Variants in PAPOLG observed in about 807,000 individuals in gnomAD.
The protein encoded by PAPOLG is PAP-gamma.
PAPOLG carries 40 observed loss-of-function variants against 99.0 expected under a neutral mutation model. That is an observed-to-expected ratio of 0.40 (90% CI 0.31 to 0.53). PAPOLG has a LOEUF of 0.53. PAPOLG is among the 20% of genes least tolerant of loss of function. PAPOLG has a pLI of 0.41. For synonymous variants in PAPOLG, 310 were observed against 299.3 expected, an observed-to-expected ratio of 1.04 and a Z score of -0.37; for missense variants, 675 against 884.1, an observed-to-expected ratio of 0.76 and a Z score of 3.00.
At chr2:60,781,577 C>G (rs1173761945) in intron 10 of PAPOLG, among the ~76,000 whole-genome samples, 19 of 152,034 alleles carry the variant, frequency 1.2e-4, no homozygotes, top group Admixed American at 1.2e-3. Context: ...ACCATTAAAC[C>G]AGATAATGCT....
chr2:60,764,228 T>C (rs933505256), intron 3 of PAPOLG, among the ~76,000 whole-genome samples: 4 of 152,192 alleles, frequency 2.6e-5, no homozygotes, highest in African/African-American at 9.6e-5. Flanking sequence ...AGGTAGCCCA[T>C]ACTGTTATAT....
chr2:60,778,881 G>GT (rs561085606), intron 8 of PAPOLG, among the ~76,000 whole-genome samples: 1 of 152,032 alleles, frequency 6.6e-6, no homozygotes, highest in Non-Finnish European at 1.5e-5. Context: ...TATTTTGTAG[G>GT]TTTTTTTCTT....
intron 11 of PAPOLG, among the ~76,000 whole-genome samples, chr2:60,782,310 T>TA (rs1671213141): frequency 6.6e-6 from 1 of 152,180 alleles, no homozygotes; most frequent in South Asian, 2.1e-4. Flanking sequence ...CTCATGCCTA[T>TA]AATCCTAGCA....
At chr2:60,789,305 T>C (rs994217001) in intron 15 of PAPOLG, among the ~76,000 whole-genome samples, 9 of 151,650 alleles carry the variant, frequency 5.9e-5, no homozygotes, top group Non-Finnish European at 1.0e-4. Flanking sequence ...TGTGCACATG[T>C]ACCCTAAAAC....
rs567811951 is a variant in PAPOLG at position 60,786,227 on chromosome 2, A to T, written c.1167-720A>T. On this transcript the variant is annotated intron_variant, in intron 13 of 21. Coordinates refer to ENST00000238714, the MANE Select transcript of PAPOLG (RefSeq NM_022894.4). ...CCTAATATATTGGGCTGAAATTTTT[A>T]TTTTATTTATTTATTTATTTAGAGA... 2.6e-5 allele frequency among the ~76,000 whole-genome samples: 4 copies of T among 152,060 alleles called. No homozygotes were observed. In the East Asian group the frequency reaches 5.8e-4, roughly 22 times the overall value.
chr2:60,781,751 G>A, intron 10 of PAPOLG, 134 bp from the exon 11 acceptor site: 2 of 1,210,008 alleles, frequency 1.7e-6, no homozygotes, highest in Non-Finnish European at 1.1e-6. Flanking sequence ...AGTTGGGGAG[G>A]GAAAATGTAC....
intron 8 of PAPOLG, among the ~76,000 whole-genome samples, chr2:60,775,665 T>C (rs918880428): frequency 5.3e-5 from 8 of 152,226 alleles, no homozygotes; most frequent in African/African-American, 1.7e-4. Context: ...CTCTGAGATA[T>C]TGTAGGTTTG....
intron 8 of PAPOLG, among the ~76,000 whole-genome samples, chr2:60,778,219 T>C (rs959258907): frequency 6.6e-6 from 1 of 152,318 alleles, no homozygotes; most frequent in East Asian, 1.9e-4. Context: ...CAATTATAGC[T>C]CACTGCAGCC....
intron 3 of PAPOLG, among the ~76,000 whole-genome samples, chr2:60,763,410 T>C (rs1670579846): frequency 6.6e-6 from 1 of 152,078 alleles, no homozygotes; most frequent in African/African-American, 2.4e-5. Flanking sequence ...TTATGGCTTT[T>C]TCCCCCCAGT....
At position 60,780,888 on chromosome 2, in the gene PAPOLG, A is replaced by G. The variant is rs1335806312; in HGVS notation, c.906+109A>G. On this transcript the variant is annotated intron_variant, in intron 10 of 21. Coordinates refer to ENST00000238714, the MANE Select transcript of PAPOLG (RefSeq NM_022894.4). Reference sequence around the variant, plus strand: ...CTCTTGTCTCTGTTCTTCCTTCTATATAACTATAGTCCCCTTCCTCCTTCT... The same window carrying G: ...CTCTTGTCTCTGTTCTTCCTTCTATGTAACTATAGTCCCCTTCCTCCTTCT... 2.2e-5 allele frequency: 20 copies of G among 903,880 alleles called. No homozygotes were observed. The East Asian group carries it at 2.2e-4, about 10-fold the overall frequency. 56.0% of individuals were successfully genotyped at this position (903,880 alleles called of 1,614,324 possible).
At chr2:60,779,811 A>G (rs1217362673) in intron 9 of PAPOLG, 36 bp downstream of exon 9, 28 of 1,548,804 alleles carry the variant, frequency 1.8e-5, no homozygotes, top group Non-Finnish European at 2.5e-5. Context: ...CTGTTTACTA[A>G]TCTCTACCTA....
intron 15 of PAPOLG, 68 bp from the exon 16 acceptor site, chr2:60,791,693 C>T (rs1265154396): frequency 2.0e-6 from 3 of 1,533,564 alleles, no homozygotes; most frequent in Non-Finnish European, 2.6e-6. Flanking sequence ...ATATGCATTT[C>T]AGAAAAATTA....
Position 60,756,496 on chromosome 2 carries a change from G to C in PAPOLG, c.17+1G>C. 1 of 1,437,730 alleles carries C rather than the reference G, an allele frequency of 7.0e-7. No individual in the cohort carries two copies. Among genetic ancestry groups the C allele is most frequent in the Non-Finnish European group, 9.5e-7 (1 of 1,057,130 alleles). The allele number at this position is 1,437,730 out of a possible 1,614,324, so 89.1% of individuals were successfully genotyped here. A position where few individuals can be genotyped will look rare whatever the true frequency, so the allele number is the denominator to read the frequency against. ...AGGAAGCGATGAAAGAGATGTCTGC[G>C]TAAGTGGTGGGGGGCGGCGGTTGGG... On this transcript the variant is annotated splice_donor_variant, in intron 1 of 21. Transcript: ENST00000238714. LOFTEE classifies it high-confidence loss of function.
intron 3 of PAPOLG, among the ~76,000 whole-genome samples, chr2:60,763,501 A>G (rs758788281): frequency 6.6e-6 from 1 of 151,338 alleles, no homozygotes; most frequent in Non-Finnish European, 1.5e-5. Context: ...TTTGAATATA[A>G]TTGTTTTTGT....
At position 60,781,953 on chromosome 2, in the gene PAPOLG, G is replaced by A. The variant is rs183405838; in HGVS notation, c.975G>A (p.Thr325=). The A allele has an allele frequency of 4.3e-5, 70 of 1,613,798 alleles. No individual in the cohort carries two copies. In the East Asian group the frequency reaches 1.2e-3, roughly 29 times the overall value. The change falls in exon 11 of 22, where the codon ACG becomes ACA. Residue 325 remains threonine, a synonymous_variant. Coordinates refer to ENST00000238714, the MANE Select transcript of PAPOLG (RefSeq NM_022894.4). The part of the protein sequence containing the change: ...ITPAYPQQNS[T]YNVSTSTRTV... Reference sequence around the variant, plus strand: ...CTGCCTACCCACAACAGAATTCTACGTATAATGTGTCCACATCAACTCGAA... The same window carrying A: ...CTGCCTACCCACAACAGAATTCTACATATAATGTGTCCACATCAACTCGAA...
intron 14 of PAPOLG, 161 bp from the exon 15 acceptor site, chr2:60,787,350 C>G (rs112996007): frequency 2.1e-6 from 1 of 467,684 alleles, no homozygotes; most frequent in African/African-American, 2.1e-5. Flanking sequence ...CAGGGGATAA[C>G]TTACCAGTTC....
chr2:60,787,124 T>C, intron 14 of PAPOLG, 58 bp downstream of exon 14: 1 of 1,376,920 alleles, frequency 7.3e-7, no homozygotes, highest in Non-Finnish European at 9.8e-7. Context: ...GGTATATGCA[T>C]CATTTCAGAG....
rs1357636574 is a variant in PAPOLG, at chr2:60,799,835, G to A, written c.*2675G>A. ...AGACAGCGTTTCACCATGTTGGCCAGGCTGGTCTCGAACTTGTGACCTCAG... is the reference window on the plus strand; with the variant it reads ...AGACAGCGTTTCACCATGTTGGCCAAGCTGGTCTCGAACTTGTGACCTCAG... On this transcript the variant is annotated 3_prime_UTR_variant, in exon 22 of 22. Coordinates refer to ENST00000238714, the MANE Select transcript of PAPOLG (RefSeq NM_022894.4). 2 of 152,148 alleles carry A rather than the reference G, an allele frequency of 1.3e-5. No individual in the cohort carries two copies. Among genetic ancestry groups the A allele is most frequent in the African/African-American group, 4.8e-5 (2 of 41,426 alleles). The allele number at this position is 152,148 out of a possible 1,614,324, so 9.4% of individuals were successfully genotyped here.
chr2:60,795,305 C>T (rs768845966), intron 21 of PAPOLG: 9 of 543,342 alleles, frequency 1.7e-5, no homozygotes, highest in South Asian at 6.1e-5. Context: ...GTTGGATGCT[C>T]AGCACATTAA....
Sources: gnomAD v4.1 joint callset for allele counts (sites outside exome capture counted in the v4.1 genomes callset) on GRCh38, gnomAD v4.1.1 for gene constraint, MANE v1.5 for transcripts, NCBI Gene and HGNC (gene_info 2026-07-23, HGNC 2026-07-21) for gene names.